NT5C2: variants seen among roughly 807,000 people sequenced by gnomAD.
The protein encoded by NT5C2 is cytosolic purine 5'-nucleotidase.
In NT5C2, 58 loss-of-function variants were observed where a neutral mutation model predicts 76.1. That is an observed-to-expected ratio of 0.76 (90% CI 0.62 to 0.95). NT5C2 has a LOEUF of 0.95. Among genes scored for constraint, NT5C2 ranks in the 40% least tolerant of loss-of-function variants. The pLI, the probability that NT5C2 is intolerant of heterozygous loss-of-function variation, is 0.00. For synonymous variants in NT5C2, 229 were observed against 237.4 expected (o/e 0.96, Z 0.32); for missense variants, 478 against 690.3 (o/e 0.69, Z 3.45).
intron 2 of NT5C2, among the ~76,000 whole-genome samples, chr10:103,180,336 T>C (rs542358212): frequency 7.2e-5 from 11 of 152,358 alleles, no homozygotes; most frequent in South Asian, 4.1e-4. Flanking sequence ...CTGGAAAAGT[T>C]TGCCATTTCT....
intron 4 of NT5C2, among the ~76,000 whole-genome samples, chr10:103,115,932 T>C (rs1476953178): frequency 1.3e-5 from 2 of 152,154 alleles, no homozygotes; most frequent in Non-Finnish European, 2.9e-5. Context: ...AAGTATTATT[T>C]CTTTTAAATT....
chr10:103,093,655 CCCATGGAACT>C (rs1458594734), intron 14 of NT5C2: 27 of 393,060 alleles, frequency 6.9e-5, no homozygotes, highest in Non-Finnish European at 1.2e-4. Context: ...TGTACCTATA[CCCATGGAACT>C]CCTTGAGAAA....
intron 3 of NT5C2, among the ~76,000 whole-genome samples, chr10:103,150,739 A>C (rs907895791): frequency 2.6e-5 from 4 of 152,212 alleles, no homozygotes; most frequent in African/African-American, 9.6e-5. Flanking sequence ...AATGACCAAT[A>C]ACATCTTTTC....
chr10:103,123,061 A>G (rs973700780), intron 4 of NT5C2, among the ~76,000 whole-genome samples: 1 of 152,094 alleles, frequency 6.6e-6, no homozygotes, highest in Non-Finnish European at 1.5e-5. Context: ...TAAGATGGGA[A>G]GGAAAGATAT....
At chr10:103,120,501 AACTG>A (rs1398822722) in intron 4 of NT5C2, among the ~76,000 whole-genome samples, 7 of 152,248 alleles carry the variant, frequency 4.6e-5, no homozygotes, top group African/African-American at 1.4e-4. Context: ...GAAGTTATAT[AACTG>A]ACTAAATAAA....
chr10:103,117,475 C>A (rs1413380364), intron 4 of NT5C2, among the ~76,000 whole-genome samples: 1 of 152,122 alleles, frequency 6.6e-6, no homozygotes, highest in East Asian at 1.9e-4. Flanking sequence ...AGCAAGGCCC[C>A]CTCTCTACAG....
intron 16 of NT5C2, 137 bp from the exon 17 acceptor site, chr10:103,091,133 CA>C: frequency 1.4e-6 from 1 of 716,698 alleles, no homozygotes; most frequent in Non-Finnish European, 2.4e-6. Context: ...CTCCCAGCTT[CA>C]AGCGATTCTC....
chr10:103,096,845 CAAAAAAAAAAAAAA>C (rs71019656), intron 11 of NT5C2, among the ~76,000 whole-genome samples: 46 of 31,390 alleles, frequency 1.5e-3, no homozygotes, highest in African/African-American at 5.1e-3. Context: ...GACTCTGTCT[CAAAAAAAAAAAAAA>C]AAAAAAAAAA....
chr10:103,110,583 A>AT (rs1189667769), intron 4 of NT5C2, among the ~76,000 whole-genome samples: 1 of 152,128 alleles, frequency 6.6e-6, no homozygotes. Flanking sequence ...TCTCCCTCCA[A>AT]TTTTTTTCAA....
At position 103,089,927 on chromosome 10, in the gene NT5C2, G is replaced by A. The variant is rs1041914268; in HGVS notation, c.1450-19C>T. 1 of 1,565,276 alleles carries A rather than the reference G, an allele frequency of 6.4e-7. No individual in the cohort carries two copies. Among genetic ancestry groups the A allele is most frequent in the African/African-American group, 1.4e-5 (1 of 73,128 alleles). On this transcript the variant is annotated intron_variant, in intron 18 of 18. Transcript: ENST00000404739. ...GAGGCATCTAGACAGAAAAAAGCTA[G>A]AGGCTCAGAAAGCAGGCAGAGCAAA... is the stretch of plus-strand genomic sequence containing the variant.
At chr10:103,118,102 T>A (rs991570000) in intron 4 of NT5C2, among the ~76,000 whole-genome samples, 2 of 152,208 alleles carry the variant, frequency 1.3e-5, no homozygotes, top group Admixed American at 1.3e-4. Flanking sequence ...AAAAAATTAG[T>A]CTTTTGACCC....
intron 3 of NT5C2, among the ~76,000 whole-genome samples, chr10:103,150,415 T>C (rs1256708535): frequency 1.3e-5 from 2 of 152,228 alleles, no homozygotes; most frequent in East Asian, 3.8e-4. Flanking sequence ...ACAATTTGTT[T>C]ATCCATTCAG....
At chr10:103,159,933 G>A (rs1316079988) in intron 3 of NT5C2, among the ~76,000 whole-genome samples, 1 of 152,128 alleles carries the variant, frequency 6.6e-6, no homozygotes. Flanking sequence ...TATGGATATA[G>A]AAGGGCACCA....
intron 8 of NT5C2, chr10:103,100,638 T>C (rs2863727): frequency 4.3e-6 from 2 of 464,758 alleles, no homozygotes; most frequent in Non-Finnish European, 8.6e-6. Flanking sequence ...AAATCTTGCC[T>C]GGCCTGGGAA....
rs537556792 is a variant in NT5C2, at chr10:103,191,178, G to C, written c.-169+2058C>G. ...AGGCCGAGGCGGGCAGATCACCTGA[G>C]GTCAGGAGTTCGAGACCAGCCTGAC... On this transcript the variant is annotated intron_variant, in intron 1 of 18. Transcript: ENST00000404739. 2.0e-5 allele frequency among the ~76,000 whole-genome samples: 3 copies of C among 151,982 alleles called. No homozygotes were observed. In the East Asian group the frequency reaches 5.8e-4, roughly 29 times the overall value.
rs998369316 is a variant in NT5C2, at chr10:103,132,286, A to T, written c.175+7120T>A. Among the ~76,000 whole-genome samples the T allele has an allele frequency of 1.6e-4, 24 of 152,120 alleles. 1 individual carries two copies. Among genetic ancestry groups the T allele is most frequent in the Admixed American group, 1.5e-3 (23 of 15,274 alleles). ...ATAGCAATGAAAGAGAAGACTTAGG[A>T]ACAATCACAGATTAGAAGAGACTAA... On this transcript the variant is annotated intron_variant, in intron 4 of 18. Transcript: ENST00000404739.
At chr10:103,106,803 CCCT>C in intron 4 of NT5C2, 97 bp from the exon 5 acceptor site, 1 of 793,276 alleles carries the variant, frequency 1.3e-6, no homozygotes, top group Non-Finnish European at 2.2e-6. Context: ...AGTTCTTCCC[CCCT>C]CCTAATTCTG....
intron 3 of NT5C2, among the ~76,000 whole-genome samples, chr10:103,174,215 T>C (rs1465228406): frequency 6.6e-6 from 1 of 152,286 alleles, no homozygotes; most frequent in East Asian, 1.9e-4. Context: ...AAGATCACCC[T>C]GGCCAACATG....
At chr10:103,098,150 A>G (rs547926287) in intron 10 of NT5C2, 8 of 499,820 alleles carry the variant, frequency 1.6e-5, no homozygotes, top group Non-Finnish European at 2.8e-5. Context: ...TTTTATTCTA[A>G]AACAGTTCTA....
Sources: allele counts gnomAD v4.1 joint callset (sites outside exome capture counted in the v4.1 genomes callset), GRCh38; gene constraint gnomAD v4.1.1; transcripts MANE v1.5; gene names NCBI Gene and HGNC (gene_info 2026-07-23, HGNC 2026-07-21).